The following MAGI1 variants were observed in gnomAD, a reference collection of about 807,000 sequenced individuals.
The protein encoded by MAGI1 is membrane-associated guanylate kinase, WW and PDZ domain-containing protein 1.
Under a neutral mutation model 139.9 loss-of-function variants are expected in MAGI1, and 58 were observed. The ratio of observed to expected loss-of-function variants is 0.41; its 90% CI spans 0.34 to 0.52. The LOEUF (loss-of-function observed/expected upper bound fraction) is 0.52. MAGI1 is among the 20% of genes least tolerant of loss of function. The pLI is 0.12. For synonymous variants in MAGI1, 812 were observed against 737.9 expected (o/e 1.10, Z -1.63); for missense variants, 1,874 against 1,901.6 (o/e 0.99, Z 0.27).
chr3:65,926,126 C>A (rs893528455), intron 1 of MAGI1, among the ~76,000 whole-genome samples: 2 of 152,124 alleles, frequency 1.3e-5, no homozygotes, highest in Non-Finnish European at 2.9e-5. Flanking sequence ...AAAATCATTT[C>A]TGTTATTTAG....
rs562902563 is a variant in MAGI1 at position 65,830,429 on chromosome 3, C to G, written c.313+207567G>C. Among the ~76,000 whole-genome samples, 12 of 152,186 alleles carry G rather than the reference C, an allele frequency of 7.9e-5. No homozygotes were observed. In the South Asian group the frequency reaches 2.3e-3, roughly 29 times the overall value. On this transcript the variant is annotated intron_variant, in intron 1 of 22. Transcript: ENST00000402939. ...TGGCATAATTTAGTTTATCACCAACCAACCAATGATTGGTTCAACCACGGC... is the reference window on the plus strand; with the variant it reads ...TGGCATAATTTAGTTTATCACCAACGAACCAATGATTGGTTCAACCACGGC...
Position 65,723,790 on chromosome 3 carries a change from G to A in MAGI1, c.314-101702C>T, listed in dbSNP as rs576051429. ...GCACATCATAATCACAGTTTTGGTG[G>A]AGAACTTATGCTAAAGTGAGAGTGA... On this transcript the variant is annotated intron_variant, in intron 1 of 22. Coordinates refer to ENST00000402939, the MANE Select transcript of MAGI1 (RefSeq NM_001033057.2). 3.9e-5 allele frequency among the ~76,000 whole-genome samples: 6 copies of A among 152,322 alleles called. No individual in the cohort carries two copies. In the South Asian group the frequency reaches 1.0e-3, roughly 26 times the overall value.
rs2079709272 is a variant in MAGI1, at chr3:65,549,490, C to A, written c.431-55859G>T. The A allele has an allele frequency of 6.1e-6, 6 of 985,202 alleles. No individual in the cohort carries two copies. The South Asian group carries it at 2.3e-4, about 39-fold the overall frequency. 61.0% of individuals were successfully genotyped at this position (985,202 alleles called of 1,614,324 possible). On this transcript the variant is annotated intron_variant, in intron 2 of 22. Coordinates refer to ENST00000402939, the MANE Select transcript of MAGI1 (RefSeq NM_001033057.2). ...GCGCTCGGTGGCCGCCCGCCTCATC[C>A]CCGCGCGTCTGAGCGGCCCGGCGGC...
At chr3:65,777,642 CAA>C (rs11415226) in intron 1 of MAGI1, among the ~76,000 whole-genome samples, 77 of 117,058 alleles carry the variant, frequency 6.6e-4, no homozygotes, top group African/African-American at 2.2e-3. Context: ...ACTCTTATCA[CAA>C]AAAAAAAAAA....
chr3:65,412,739 G>A (rs1300665023), intron 12 of MAGI1, among the ~76,000 whole-genome samples: 2 of 152,060 alleles, frequency 1.3e-5, no homozygotes, highest in African/African-American at 2.4e-5. Flanking sequence ...TTGATCCTTG[G>A]TCTGTTCCTT....
At chr3:65,387,947 C>A (rs1431595860) in intron 14 of MAGI1, among the ~76,000 whole-genome samples, 1 of 152,180 alleles carries the variant, frequency 6.6e-6, no homozygotes, top group African/African-American at 2.4e-5. Context: ...GGCAAAGTTT[C>A]AACTATAAGC....
rs1483860158 is a variant in MAGI1 at position 65,458,835 on chromosome 3, G to T, written c.960-5495C>A. Among the ~76,000 whole-genome samples the T allele has an allele frequency of 5.3e-5, 8 of 152,038 alleles. 1 individual carries two copies. Among genetic ancestry groups the T allele is most frequent in the African/African-American group, 1.9e-4 (8 of 41,402 alleles). On this transcript the variant is annotated intron_variant, in intron 5 of 22. Coordinates refer to ENST00000402939, the MANE Select transcript of MAGI1 (RefSeq NM_001033057.2). ...TGATCCCATTTGTCCATTTTGCTTT[G>T]GTTGCCTGTGCTTATGGGGTATTAC...
At chr3:65,492,790 G>C (rs1314648371) in intron 3 of MAGI1, among the ~76,000 whole-genome samples, 1 of 152,072 alleles carries the variant, frequency 6.6e-6, no homozygotes, top group Non-Finnish European at 1.5e-5. Flanking sequence ...AGATTACTTA[G>C]CTAAATATTT....
intron 10 of MAGI1, among the ~76,000 whole-genome samples, chr3:65,431,389 A>G (rs993803682): frequency 3.3e-5 from 5 of 152,198 alleles, no homozygotes; most frequent in African/African-American, 7.2e-5. Context: ...TTATAGTCAC[A>G]AATAATAATT....
chr3:65,814,933 A>G (rs776611682), intron 1 of MAGI1, among the ~76,000 whole-genome samples: 3 of 152,214 alleles, frequency 2.0e-5, no homozygotes, highest in African/African-American at 7.2e-5. Flanking sequence ...TAATATCTAC[A>G]GAGAGGAAAA....
chr3:65,627,485 C>CTTTTTTTTTTTTTTTTTTTTTTTT (rs779588733), intron 1 of MAGI1, among the ~76,000 whole-genome samples: 1 of 28,324 alleles, frequency 3.5e-5, no homozygotes, highest in African/African-American at 1.2e-4. Flanking sequence ...ATTTCTGTAT[C>CTTTTTTTTTTTTTTTTTTTTTTTT]TTTTTTTTTT....
intron 2 of MAGI1, among the ~76,000 whole-genome samples, chr3:65,570,575 T>C (rs1037481566): frequency 6.6e-6 from 1 of 152,112 alleles, no homozygotes; most frequent in Non-Finnish European, 1.5e-5. Flanking sequence ...ATTGAACACA[T>C]GGAAATGTTT....
chr3:65,462,685 T>G (rs149450490), intron 5 of MAGI1, among the ~76,000 whole-genome samples: 3,214 of 152,312 alleles, frequency 0.021, 111 homozygotes, highest in African/African-American at 0.073. Flanking sequence ...GGGGATAGCA[T>G]TGAATCTATA....
rs950939458 is a variant in MAGI1 at position 65,678,784 on chromosome 3, C to T, written c.314-56696G>A. On this transcript the variant is annotated intron_variant, in intron 1 of 22. Transcript: ENST00000402939. ...CTTGAACAAGAAAACTGTCATTTGG[C>T]GTGACATCTCTCTCCTACCCTGGAA... Among the ~76,000 whole-genome samples, 13 of 152,132 alleles carry T rather than the reference C, an allele frequency of 8.5e-5. 1 individual carries two copies. The highest frequency in any genetic ancestry group is 6.2e-4 in the South Asian group (3 of 4,830).
At chr3:65,372,946 G>C (rs1942147769) in intron 18 of MAGI1, among the ~76,000 whole-genome samples, 2 of 152,190 alleles carry the variant, frequency 1.3e-5, no homozygotes, top group South Asian at 4.1e-4. Flanking sequence ...TTTCTATCCA[G>C]ACCACTCACA....
intron 1 of MAGI1, among the ~76,000 whole-genome samples, chr3:65,915,444 C>A (rs374306813): frequency 2.0e-5 from 3 of 152,246 alleles, no homozygotes; most frequent in Non-Finnish European, 4.4e-5. Flanking sequence ...TGTCTTCCAG[C>A]AGATGATCTG....
rs1948429881 is a variant in MAGI1, at chr3:65,442,727, TAACAC to T, written c.1136+60_1136+64del. 3 of 1,232,340 alleles carry T rather than the reference TAACAC, an allele frequency of 2.4e-6. No homozygotes were observed. In the Admixed American group the frequency reaches 5.4e-5, roughly 22 times the overall value. The allele number at this position is 1,232,340 out of a possible 1,614,324, so 76.3% of individuals were successfully genotyped here. A position where few individuals can be genotyped will look rare whatever the true frequency, so the allele number is the denominator to read the frequency against. ...CCTTATAATGATGTCAGGCTGTACT[TAACAC>T]AAATGTACATAATTATAGAGAGGTA... On this transcript the variant is annotated intron_variant, in intron 8 of 22. Transcript: ENST00000402939.
intron 1 of MAGI1, among the ~76,000 whole-genome samples, chr3:65,651,445 G>C (rs766577954): frequency 6.6e-6 from 1 of 152,082 alleles, no homozygotes; most frequent in Non-Finnish European, 1.5e-5. Context: ...ATGCAGATCT[G>C]GCAGCTAGAA....
intron 2 of MAGI1, among the ~76,000 whole-genome samples, chr3:65,523,805 G>A (rs2078266902): frequency 6.6e-6 from 1 of 152,134 alleles, no homozygotes; most frequent in Non-Finnish European, 1.5e-5. Flanking sequence ...TTAGCCTTAG[G>A]GGTAAAAATA....
Sources: allele counts gnomAD v4.1 joint callset (sites outside exome capture counted in the v4.1 genomes callset), GRCh38; gene constraint gnomAD v4.1.1; transcripts MANE v1.5; gene names NCBI Gene and HGNC (gene_info 2026-07-23, HGNC 2026-07-21).